Variants in EYS observed in about 807,000 individuals in gnomAD.
The protein encoded by EYS is EGF-like photoreceptor maintenance factor, also known as protein eyes shut homolog.
Under a neutral mutation model 282.1 loss-of-function variants are expected in EYS, and 250 were observed. That is an observed-to-expected ratio of 0.89 (90% CI 0.80 to 0.98). The LOEUF (loss-of-function observed/expected upper bound fraction) is 0.98, where lower values mean the gene tolerates loss of function less well. Ranked by LOEUF, EYS falls within the 50% of genes least tolerant of loss-of-function variation. The pLI is 0.00. For missense variants in EYS, 4,016 were observed against 3,709.0 expected (o/e 1.08, Z -2.15); for synonymous variants, 1,355 against 1,282.9 (o/e 1.06, Z -1.20).
chr6:64,223,708 C>T (rs1455858595), intron 31 of EYS, among the ~76,000 whole-genome samples: 1 of 151,884 alleles, frequency 6.6e-6, no homozygotes, highest in African/African-American at 2.4e-5. Context: ...CTTTATTTAT[C>T]TTTTATGTGT....
intron 26 of EYS, among the ~76,000 whole-genome samples, chr6:64,534,086 G>A (rs1003590175): frequency 6.6e-6 from 1 of 151,594 alleles, no homozygotes; most frequent in Admixed American, 6.6e-5. Flanking sequence ...TTTGCTTTTT[G>A]TGTAAATGGG....
intron 15 of EYS, among the ~76,000 whole-genome samples, chr6:64,917,252 A>C (rs963095593): frequency 2.6e-5 from 4 of 151,900 alleles, no homozygotes; most frequent in Non-Finnish European, 5.9e-5. Context: ...TAGTCTCAAA[A>C]AAAAAAAAAA....
chr6:64,087,180 C>T (rs1024628290), intron 31 of EYS, among the ~76,000 whole-genome samples: 4 of 152,092 alleles, frequency 2.6e-5, no homozygotes, highest in Non-Finnish European at 5.9e-5. Context: ...TGGTTTTAGA[C>T]AGTTTCTTCG....
chr6:63,897,341 ATC>A (rs1329521657), intron 35 of EYS, among the ~76,000 whole-genome samples: 1 of 152,212 alleles, frequency 6.6e-6, no homozygotes, highest in Non-Finnish European at 1.5e-5. Context: ...TAAGTTAAAA[ATC>A]TTGAGATGGG....
chr6:64,690,035 C>T (rs1015238096), intron 22 of EYS, among the ~76,000 whole-genome samples: 10 of 151,980 alleles, frequency 6.6e-5, no homozygotes, highest in Admixed American at 5.2e-4. Flanking sequence ...TCAGAGTGAA[C>T]AGGCAACCTA....
intron 36 of EYS, among the ~76,000 whole-genome samples, chr6:63,828,575 C>T (rs1048207181): frequency 2.0e-5 from 3 of 152,142 alleles, no homozygotes; most frequent in South Asian, 2.1e-4. Context: ...ACAATCTATA[C>T]ATCTGACAAA....
At chr6:64,044,821 C>G (rs539504215) in intron 33 of EYS, among the ~76,000 whole-genome samples, 1 of 151,710 alleles carries the variant, frequency 6.6e-6, no homozygotes, top group Non-Finnish European at 1.5e-5. Context: ...TCCAGATGAG[C>G]ACAAAAATAA....
rs187673674 is a variant in EYS, at chr6:64,276,670, C to T, written c.6191+30300G>A. ...TTCAAAAAGTCAGTAATGGTGAAAG[C>T]ATATGTGTGATTATATGCAGTATTC... is the stretch of plus-strand genomic sequence containing the variant. On this transcript the variant is annotated intron_variant, in intron 30 of 42. Coordinates refer to ENST00000503581, the MANE Select transcript of EYS (RefSeq NM_001142800.2). Among the ~76,000 whole-genome samples the T allele has an allele frequency of 3.9e-5, 6 of 152,154 alleles. No individual in the cohort carries two copies. In the East Asian group the frequency reaches 1.2e-3, roughly 29 times the overall value.
At position 64,522,455 on chromosome 6, in the gene EYS, G is replaced by T. The variant is rs551537265; in HGVS notation, c.5644+67768C>A. Among the ~76,000 whole-genome samples the T allele has an allele frequency of 3.7e-4, 56 of 151,682 alleles. 1 individual carries two copies. The highest frequency in any genetic ancestry group is 4.7e-4 in the Non-Finnish European group (32 of 67,766). On this transcript the variant is annotated intron_variant, in intron 26 of 42. Transcript: ENST00000503581. Reference sequence around the variant, plus strand: ...GGAAGAAATTCTCAAAGTCCAACCTGCATCCAGAGTAAGTAAGTTTGTTAG... The same window carrying T: ...GGAAGAAATTCTCAAAGTCCAACCTTCATCCAGAGTAAGTAAGTTTGTTAG...
chr6:65,322,249 C>T (rs937916034), intron 11 of EYS, among the ~76,000 whole-genome samples: 13 of 152,128 alleles, frequency 8.5e-5, no homozygotes, highest in African/African-American at 3.1e-4. Context: ...ATGAGGAAAG[C>T]ACGGTTCACC....
chr6:65,569,930 C>T (rs1460248219), intron 2 of EYS, among the ~76,000 whole-genome samples: 1 of 152,052 alleles, frequency 6.6e-6, no homozygotes, highest in Admixed American at 6.6e-5. Context: ...GATAAATCAG[C>T]TCAATCTAGG....
intron 30 of EYS, among the ~76,000 whole-genome samples, chr6:64,239,609 T>C (rs889144099): frequency 2.0e-5 from 3 of 151,872 alleles, no homozygotes; most frequent in African/African-American, 7.2e-5. Context: ...TGTTTTTTTT[T>C]TTTCTTCTAA....
At chr6:64,564,423 G>A (rs1034669933) in intron 26 of EYS, among the ~76,000 whole-genome samples, 12 of 151,116 alleles carry the variant, frequency 7.9e-5, no homozygotes, top group African/African-American at 2.9e-4. Flanking sequence ...GACTACAGGT[G>A]CACACCACCA....
intron 18 of EYS, among the ~76,000 whole-genome samples, chr6:64,892,259 T>C (rs938475593): frequency 5.3e-5 from 8 of 151,972 alleles, no homozygotes; most frequent in African/African-American, 1.9e-4. Flanking sequence ...TAAGTAGATG[T>C]ATTATTTGTA....
chr6:65,418,918 A>G (rs546662945), intron 5 of EYS, among the ~76,000 whole-genome samples: 6 of 152,130 alleles, frequency 3.9e-5, no homozygotes, highest in Non-Finnish European at 8.8e-5. Flanking sequence ...TGGACAGTGA[A>G]GCCTCTCTAC....
chr6:63,746,851 A>C (rs575370003), intron 41 of EYS, among the ~76,000 whole-genome samples: 1 of 151,708 alleles, frequency 6.6e-6, no homozygotes, highest in Non-Finnish European at 1.5e-5. Context: ...CTAGCAATCT[A>C]TCTATTTTGT....
chr6:65,203,797 G>A (rs1765961368), intron 12 of EYS, among the ~76,000 whole-genome samples: 2 of 151,908 alleles, frequency 1.3e-5, no homozygotes. Context: ...ATCTCAGTGA[G>A]ATTCAAGAGA....
intron 22 of EYS, among the ~76,000 whole-genome samples, chr6:64,706,900 A>G (rs1490747668): frequency 6.6e-6 from 1 of 152,182 alleles, no homozygotes; most frequent in Non-Finnish European, 1.5e-5. Context: ...GTGGAAAACA[A>G]TGTGGAAATT....
chr6:63,798,987 G>GTATATGTGTATATATATA (rs1770713500), intron 37 of EYS, among the ~76,000 whole-genome samples: 1 of 85,790 alleles, frequency 1.2e-5, no homozygotes, highest in Non-Finnish European at 2.1e-5. Flanking sequence ...GTATATGTGT[G>GTATATGTGTATATATATA]TATATATATA....
Sources: gnomAD v4.1 joint callset for allele counts (sites outside exome capture counted in the v4.1 genomes callset) on GRCh38, gnomAD v4.1.1 for gene constraint, MANE v1.5 for transcripts, NCBI Gene and HGNC (gene_info 2026-07-23, HGNC 2026-07-21) for gene names.